C2CD2: variants seen among roughly 807,000 people sequenced by gnomAD.
C2CD2 encodes the protein C2 calcium dependent domain containing 2, also known as C2 domain-containing protein 2.
In C2CD2, 43 loss-of-function variants were observed where a neutral mutation model predicts 74.3. The observed-to-expected ratio is 0.58, with a 90% confidence interval of 0.45 to 0.75. The LOEUF (loss-of-function observed/expected upper bound fraction) is 0.75. C2CD2 is among the 30% of genes least tolerant of loss of function. C2CD2 has a pLI of 0.00. For synonymous variants in C2CD2, 422 were observed against 390.7 expected (o/e 1.08, Z -0.94); for missense variants, 801 against 916.3 (o/e 0.87, Z 1.63).
intron 1 of C2CD2, among the ~76,000 whole-genome samples, chr21:41,948,870 C>CTTTTATTTTTTTTTT (rs1339605498): frequency 2.5e-5 from 2 of 80,684 alleles, no homozygotes; most frequent in African/African-American, 8.7e-5. Flanking sequence ...CACACAGCAT[C>CTTTTATTTTTTTTTT]TTTTTTTTTT....
intron 11 of C2CD2, among the ~76,000 whole-genome samples, chr21:41,902,580 C>G (rs887007620): frequency 1.3e-5 from 2 of 152,180 alleles, no homozygotes; most frequent in South Asian, 4.1e-4. Flanking sequence ...CACTTTCCTG[C>G]TCAGGTAAAG....
At chr21:41,921,321 C>A (rs1028429126) in intron 3 of C2CD2, among the ~76,000 whole-genome samples, 4 of 152,210 alleles carry the variant, frequency 2.6e-5, no homozygotes, top group African/African-American at 9.7e-5. Context: ...TAAAGAGGAA[C>A]TCCAGTGAAT....
chr21:41,948,890 TTTC>T lies in C2CD2; in HGVS notation c.279+4477_279+4479del, dbSNP rs1317617612. On this transcript the variant is annotated intron_variant, in intron 1 of 13. Transcript: ENST00000380486. The stretch of plus-strand genomic sequence containing the variant: ...AGCATCTTTTTTTTTTTTTTTTTTT[TTTC>T]TTTTTTTTTACAAAGACCATAATGA... 9.9e-3 allele frequency among the ~76,000 whole-genome samples: 1,258 copies of T among 127,570 alleles called. 222 individuals carry two copies. Among genetic ancestry groups the T allele is most frequent in the African/African-American group, 0.03 (992 of 32,914 alleles). 83.7% of individuals were successfully genotyped at this position (127,570 alleles called of 152,430 possible). A position where few individuals can be genotyped will look rare whatever the true frequency, so the allele number is the denominator to read the frequency against.
At chr21:41,914,560 G>C (rs3746907) in intron 6 of C2CD2, 38 bp downstream of exon 6, 676,837 of 1,596,254 alleles carry the variant, frequency 0.42, 145,540 homozygotes, top group South Asian at 0.51. Context: ...GGGGCTGGAA[G>C]AGCCCCTCCA....
intron 1 of C2CD2, among the ~76,000 whole-genome samples, chr21:41,944,064 G>A (rs1325794134): frequency 2.0e-5 from 3 of 152,332 alleles, no homozygotes; most frequent in East Asian, 1.9e-4. Context: ...CATGCCAGCC[G>A]CTCGGAGGAT....
At position 41,948,870 on chromosome 21, in the gene C2CD2, C is replaced by CTTTTTTTTTTTTTTTTTTTTTTT. The variant is rs967927171; in HGVS notation, c.279+4499_279+4500insAAAAAAAAAAAAAAAAAAAAAAA. Among the ~76,000 whole-genome samples, 22 of 80,708 alleles carry CTTTTTTTTTTTTTTTTTTTTTTT rather than the reference C, an allele frequency of 2.7e-4. 6 individuals are homozygous for CTTTTTTTTTTTTTTTTTTTTTTT. The highest frequency in any genetic ancestry group is 3.9e-4 in the Non-Finnish European group (17 of 43,188). 52.9% of individuals were successfully genotyped at this position (80,708 alleles called of 152,430 possible). On this transcript the variant is annotated intron_variant, in intron 1 of 13. Coordinates refer to ENST00000380486, the MANE Select transcript of C2CD2 (RefSeq NM_015500.2). Reference sequence around the variant, plus strand: ...AATATGTTCCAAGTCCACACAGCATCTTTTTTTTTTTTTTTTTTTTTTCTT... The same window carrying CTTTTTTTTTTTTTTTTTTTTTTT: ...AATATGTTCCAAGTCCACACAGCATCTTTTTTTTTTTTTTTTTTTTTTTTTTTTTTTTTTTTTTTTTTTTTCTT...
chr21:41,915,409 G>A (rs921313506), intron 5 of C2CD2, among the ~76,000 whole-genome samples: 4 of 151,236 alleles, frequency 2.6e-5, no homozygotes, highest in African/African-American at 4.9e-5. Context: ...TTCCCAAACC[G>A]GGTTCCACCT....
Position 41,921,953 on chromosome 21 carries a change from A to G in C2CD2, c.492+19T>C, listed in dbSNP as rs374359291. The G allele has an allele frequency of 2.6e-6, 4 of 1,525,920 alleles. No homozygotes were observed. The highest frequency in any genetic ancestry group is 1.4e-5 in the African/African-American group (1 of 72,846). The allele number at this position is 1,525,920 out of a possible 1,614,324, so 94.5% of individuals were successfully genotyped here. ...AACTGTGACGGGTCTCATAACTTGC[A>G]AAGTCTACACATCTTTACCTGTAAA... is the stretch of plus-strand genomic sequence containing the variant. On this transcript the variant is annotated intron_variant, in intron 3 of 13. Coordinates refer to ENST00000380486, the MANE Select transcript of C2CD2 (RefSeq NM_015500.2).
chr21:41,901,139 C>T (rs923733362), intron 12 of C2CD2: 3 of 209,296 alleles, frequency 1.4e-5, no homozygotes, highest in East Asian at 1.2e-4. Context: ...CGTCCCAGAG[C>T]GGGAGAAGGG....
chr21:41,933,619 T>G (rs2065281832), intron 2 of C2CD2, among the ~76,000 whole-genome samples: 1 of 152,228 alleles, frequency 6.6e-6, no homozygotes, highest in Non-Finnish European at 1.5e-5. Context: ...AAAGGCCATG[T>G]ACACAATCCA....
chr21:41,945,458 G>T lies in C2CD2; in HGVS notation c.280-3213C>A, dbSNP rs945845676. Among the ~76,000 whole-genome samples, 5 of 151,812 alleles carry T rather than the reference G, an allele frequency of 3.3e-5. No homozygotes were observed. Among genetic ancestry groups the T allele is most frequent in the Non-Finnish European group, 5.9e-5 (4 of 68,002 alleles). On this transcript the variant is annotated intron_variant, in intron 1 of 13. Coordinates refer to ENST00000380486, the MANE Select transcript of C2CD2 (RefSeq NM_015500.2). This position sits in a 1 kb window ranked among gnomAD's most constrained non-coding sequence, Gnocchi z 4.2. The stretch of plus-strand genomic sequence containing the variant: ...AAGTGGCTGAATCCAGGGCCTGTGG[G>T]GAGCCAAAAACAAATATTTTGTGGA...
chr21:41,929,705 A>G lies in C2CD2; in HGVS notation c.379-7620T>C, dbSNP rs2065246744. 6.6e-6 allele frequency among the ~76,000 whole-genome samples: 1 copy of G among 152,248 alleles called. No homozygotes were observed. ...AGGACTCCTGGCTCCACACCATGCC[A>G]GGCGACATCACTCAAGTCTCCAAAG... On this transcript the variant is annotated intron_variant, in intron 2 of 13. Transcript: ENST00000380486. The surrounding 1 kb of genome is among the most constrained non-coding windows in gnomAD (Gnocchi z 4.6).
chr21:41,940,148 G>A (rs898209919), intron 2 of C2CD2, among the ~76,000 whole-genome samples: 2 of 152,076 alleles, frequency 1.3e-5, no homozygotes, highest in African/African-American at 4.8e-5. Flanking sequence ...AACACTCCTG[G>A]CCCCAAGAAT....
chr21:41,942,994 C>A, intron 1 of C2CD2: 1 of 978,280 alleles, frequency 1.0e-6, no homozygotes, highest in Non-Finnish European at 1.2e-6. Flanking sequence ...TGTTCTGGTT[C>A]TTCCAGTTAA....
At chr21:41,919,270 C>G (rs1452449392) in intron 3 of C2CD2, among the ~76,000 whole-genome samples, 1 of 152,190 alleles carries the variant, frequency 6.6e-6, no homozygotes, top group Non-Finnish European at 1.5e-5. Flanking sequence ...GTGCGCATGT[C>G]TGCATCAGTG....
chr21:41,900,441 T>C (rs1226660896), intron 12 of C2CD2, among the ~76,000 whole-genome samples: 1 of 152,190 alleles, frequency 6.6e-6, no homozygotes, highest in Non-Finnish European at 1.5e-5. Context: ...CTTGTCCTTA[T>C]TTTGCTCATT....
intron 2 of C2CD2, among the ~76,000 whole-genome samples, chr21:41,933,131 T>C (rs996343364): frequency 1.4e-5 from 2 of 140,524 alleles, no homozygotes; most frequent in Admixed American, 1.4e-4. Flanking sequence ...AAGGCTGAGT[T>C]AGAAAGATAG....
chr21:41,896,138 G>A (rs1225725062), intron 13 of C2CD2, among the ~76,000 whole-genome samples: 1 of 152,220 alleles, frequency 6.6e-6, no homozygotes, highest in Non-Finnish European at 1.5e-5. Flanking sequence ...TCGGCTGGCT[G>A]CTGAGCTACA....
chr21:41,897,424 GC>G (rs2146140740), intron 13 of C2CD2, among the ~76,000 whole-genome samples: 1 of 152,236 alleles, frequency 6.6e-6, no homozygotes, highest in South Asian at 2.1e-4. Flanking sequence ...CAAAGAATAG[GC>G]CACAGGTGTG....
Sources: gnomAD v4.1 joint callset for allele counts (sites outside exome capture counted in the v4.1 genomes callset) on GRCh38, gnomAD v4.1.1 for gene constraint, Gnocchi (gnomAD v3.1) non-coding constraint, MANE v1.5 for transcripts, NCBI Gene and HGNC (gene_info 2026-07-23, HGNC 2026-07-21) for gene names.